Variants in CTNNA2 observed in about 807,000 individuals in gnomAD.
The protein encoded by CTNNA2 is catenin alpha 2.
In CTNNA2, 42 loss-of-function variants were observed where a neutral mutation model predicts 101.0. The ratio of observed to expected loss-of-function variants is 0.42; its 90% CI spans 0.32 to 0.54. The LOEUF is 0.54. Among genes scored for constraint, CTNNA2 ranks in the 20% least tolerant of loss-of-function variants. The probability of loss-of-function intolerance (pLI) is 0.14; values close to 1 mark genes in which losing one functional copy is unlikely to be tolerated. For synonymous variants in CTNNA2, 450 were observed against 456.4 expected (o/e 0.99, Z 0.18); for missense variants, 871 against 1,223.1 (o/e 0.71, Z 4.29).
At chr2:79,799,185 T>TG in intron 3 of CTNNA2, among the ~76,000 whole-genome samples, 1 of 118,302 alleles carries the variant, frequency 8.5e-6, no homozygotes, top group African/African-American at 3.9e-5. Context: ...GATCTTGTTT[T>TG]TTTTTTTTTA....
chr2:79,216,355 G>T (rs1296346051), intron 2 of CTNNA2, among the ~76,000 whole-genome samples: 1 of 152,002 alleles, frequency 6.6e-6, no homozygotes, highest in African/African-American at 2.4e-5. Flanking sequence ...GGAGGGAAGG[G>T]GTTTGGGGGT....
At chr2:79,524,561 A>ACC (rs890583782) in intron 1 of CTNNA2, 5 of 151,412 alleles carry the variant, frequency 3.3e-5, no homozygotes, top group African/African-American at 1.2e-4. Context: ...ACACACACAC[A>ACC]CCCCACTTAC....
rs536929809 is a variant in CTNNA2 at position 79,397,912 on chromosome 2, C to A, written c.-135+23899C>A. ...CTAATACCTTCATTTCCCTTTGAAT[C>A]TAGGTCCAGAATTCCACATCTTTTC... On this transcript the variant is annotated intron_variant, in intron 4 of 21. Transcript: ENST00000466387. Among the ~76,000 whole-genome samples, 3 of 152,184 alleles carry A rather than the reference C, an allele frequency of 2.0e-5. No individual in the cohort carries two copies. The South Asian group carries it at 6.2e-4, about 32-fold the overall frequency.
chr2:79,928,883 A>G (rs958599684), intron 7 of CTNNA2, among the ~76,000 whole-genome samples: 8 of 152,226 alleles, frequency 5.3e-5, no homozygotes, highest in African/African-American at 1.9e-4. Flanking sequence ...AACTATAAAT[A>G]TAACTAAAAA....
chr2:80,328,386 T>C (rs1156301812), intron 7 of CTNNA2: 1 of 470,780 alleles, frequency 2.1e-6, no homozygotes, highest in Non-Finnish European at 4.4e-6. Flanking sequence ...GGAAAGTGAC[T>C]CTCCATAGGG....
intron 7 of CTNNA2, among the ~76,000 whole-genome samples, chr2:80,077,357 C>T (rs1698827147): frequency 6.6e-6 from 1 of 152,060 alleles, no homozygotes; most frequent in South Asian, 2.1e-4. Context: ...TAGCTCCAAA[C>T]TGGAAACAAC....
intron 4 of CTNNA2, among the ~76,000 whole-genome samples, chr2:79,497,284 G>T (rs1671266752): frequency 6.6e-6 from 1 of 152,130 alleles, no homozygotes; most frequent in Non-Finnish European, 1.5e-5. Flanking sequence ...TCAGTTACTG[G>T]TTGCCATCTA....
chr2:80,196,255 C>G (rs1355741568), intron 7 of CTNNA2, among the ~76,000 whole-genome samples: 1 of 152,120 alleles, frequency 6.6e-6, no homozygotes, highest in Non-Finnish European at 1.5e-5. Context: ...GGTCTCATAG[C>G]TTTCATCTGT....
At chr2:80,609,417 A>G (rs1698280744) in intron 17 of CTNNA2, among the ~76,000 whole-genome samples, 1 of 151,740 alleles carries the variant, frequency 6.6e-6, no homozygotes, top group African/African-American at 2.4e-5. Context: ...AGCCTGTTTC[A>G]TGCAGTCCCA....
chr2:80,034,736 A>G (rs901285609), intron 7 of CTNNA2, among the ~76,000 whole-genome samples: 1 of 152,180 alleles, frequency 6.6e-6, no homozygotes, highest in Admixed American at 6.5e-5. Flanking sequence ...TCACTTGTCA[A>G]ATTGGCTGAA....
intron 9 of CTNNA2, among the ~76,000 whole-genome samples, chr2:80,519,464 G>A (rs1053287109): frequency 6.6e-6 from 1 of 152,140 alleles, no homozygotes; most frequent in Non-Finnish European, 1.5e-5. Flanking sequence ...CCATTTGGAT[G>A]CTCTCTACAC....
intron 4 of CTNNA2, among the ~76,000 whole-genome samples, chr2:79,453,746 T>G (rs1670781498): frequency 1.3e-5 from 2 of 152,124 alleles, no homozygotes; most frequent in South Asian, 4.1e-4. Context: ...TACTCCTGCT[T>G]TAACCCCAAG....
chr2:80,573,277 G>T (rs1694759953), intron 12 of CTNNA2: 1 of 152,176 alleles, frequency 6.6e-6, no homozygotes, highest in African/African-American at 2.4e-5. Context: ...AGTTAGTGGA[G>T]GTGTTCCAGA....
chr2:79,635,920 G>A (rs1014844424), intron 1 of CTNNA2, among the ~76,000 whole-genome samples: 1 of 151,842 alleles, frequency 6.6e-6, no homozygotes, highest in East Asian at 2.0e-4. Context: ...CTAGTAACTC[G>A]TTGTATATAG....
chr2:79,811,810 T>C (rs1231996150), intron 3 of CTNNA2, among the ~76,000 whole-genome samples: 2 of 152,170 alleles, frequency 1.3e-5, no homozygotes, highest in Non-Finnish European at 2.9e-5. Flanking sequence ...TATGGATCTA[T>C]CTGGGGAGAA....
intron 7 of CTNNA2, among the ~76,000 whole-genome samples, chr2:80,254,868 TAG>T (rs1672018881): frequency 1.3e-5 from 2 of 152,168 alleles, no homozygotes; most frequent in South Asian, 4.1e-4. Context: ...GAGTAACTGG[TAG>T]AGTTGGGCTA....
chr2:79,690,374 T>G (rs1684207343), intron 2 of CTNNA2, among the ~76,000 whole-genome samples: 1 of 152,016 alleles, frequency 6.6e-6, no homozygotes, highest in Admixed American at 6.6e-5. Context: ...TAAAGACACT[T>G]TCATATAAAG....
chr2:80,633,305 T>A (rs1483587161), intron 18 of CTNNA2, among the ~76,000 whole-genome samples: 1 of 152,166 alleles, frequency 6.6e-6, no homozygotes, highest in Non-Finnish European at 1.5e-5. Flanking sequence ...TTTAATCAAG[T>A]TTTCTGTGAA....
chr2:79,513,930 G>T (rs917808732), intron 1 of CTNNA2, among the ~76,000 whole-genome samples: 1 of 152,194 alleles, frequency 6.6e-6, no homozygotes, highest in Non-Finnish European at 1.5e-5. Context: ...AGGAACAAGA[G>T]AGAAAAAGGG....
Sources: gnomAD v4.1 joint callset for allele counts (sites outside exome capture counted in the v4.1 genomes callset) on GRCh38, gnomAD v4.1.1 for gene constraint, MANE v1.5 for transcripts, NCBI Gene and HGNC (gene_info 2026-07-23, HGNC 2026-07-21) for gene names.